The following NPAS3 variants were observed in gnomAD, a reference collection of about 807,000 sequenced individuals.
NPAS3 encodes the protein neuronal PAS domain-containing protein 3.
NPAS3 carries 14 observed loss-of-function variants against 73.1 expected under a neutral mutation model. That is an observed-to-expected ratio of 0.19 (90% CI 0.13 to 0.30). NPAS3 has a LOEUF of 0.30. Among genes scored for constraint, NPAS3 ranks in the 10% least tolerant of loss-of-function variants. The pLI is 1.00. For synonymous variants in NPAS3, 620 were observed against 541.5 expected (o/e 1.14, Z -2.01); for missense variants, 1,096 against 1,250.0 (o/e 0.88, Z 1.86).
At chr14:33,666,492 A>T (rs528384483) in intron 5 of NPAS3, among the ~76,000 whole-genome samples, 1 of 152,310 alleles carries the variant, frequency 6.6e-6, no homozygotes, top group East Asian at 1.9e-4. Context: ...AAAAATGCAG[A>T]ATGTTGGCCC....
At position 33,652,025 on chromosome 14, in the gene NPAS3, A is replaced by G. The variant is rs1035138528; in HGVS notation, c.559-24186A>G. Among the ~76,000 whole-genome samples the G allele has an allele frequency of 5.9e-5, 9 of 152,316 alleles. No homozygotes were observed. In the South Asian group the frequency reaches 1.2e-3, roughly 21 times the overall value. On this transcript the variant is annotated intron_variant, in intron 5 of 11. Transcript: ENST00000356141. ...TTATTTCATTTTGATTTGTTTATTAATCATCAGCTGAGATTTTTGACAAAT... is the reference window on the plus strand; with the variant it reads ...TTATTTCATTTTGATTTGTTTATTAGTCATCAGCTGAGATTTTTGACAAAT...
chr14:33,027,317 T>A (rs2039841618), intron 1 of NPAS3, among the ~76,000 whole-genome samples: 1 of 152,200 alleles, frequency 6.6e-6, no homozygotes, highest in South Asian at 2.1e-4. Flanking sequence ...GAGAAAGACG[T>A]GCTTGGGCTC....
intron 5 of NPAS3, among the ~76,000 whole-genome samples, chr14:33,603,788 G>A (rs556755685): frequency 6.6e-6 from 1 of 152,222 alleles, no homozygotes; most frequent in South Asian, 2.1e-4. Flanking sequence ...TTTTCTTACT[G>A]CTTAAATCTC....
intron 2 of NPAS3, among the ~76,000 whole-genome samples, chr14:33,089,517 A>G (rs968322508): frequency 7.2e-5 from 11 of 152,198 alleles, no homozygotes; most frequent in Non-Finnish European, 1.3e-4. Context: ...CCAAATCTAC[A>G]TCTGATTGGT....
chr14:32,965,867 C>T (rs899569863), intron 1 of NPAS3, among the ~76,000 whole-genome samples: 6 of 151,958 alleles, frequency 3.9e-5, no homozygotes, highest in Non-Finnish European at 8.8e-5. Context: ...AGTAAAATTG[C>T]AGGATATAAA....
intron 2 of NPAS3, among the ~76,000 whole-genome samples, chr14:33,110,208 A>G (rs1174558594): frequency 6.6e-6 from 1 of 152,116 alleles, no homozygotes; most frequent in African/African-American, 2.4e-5. Flanking sequence ...AATATTCTTA[A>G]TATTTAGACT....
intron 6 of NPAS3, among the ~76,000 whole-genome samples, chr14:33,715,392 A>T (rs941427824): frequency 6.6e-6 from 1 of 152,090 alleles, no homozygotes; most frequent in African/African-American, 2.4e-5. Flanking sequence ...TGCTAATTGA[A>T]GTGGGTTGTT....
intron 3 of NPAS3, among the ~76,000 whole-genome samples, chr14:33,319,578 G>A (rs553329514): frequency 6.6e-6 from 1 of 152,136 alleles, no homozygotes; most frequent in Non-Finnish European, 1.5e-5. Context: ...TTAACAAAAA[G>A]AATTCTAGAG....
At chr14:33,333,211 A>G (rs1188589356) in intron 3 of NPAS3, among the ~76,000 whole-genome samples, 3 of 152,202 alleles carry the variant, frequency 2.0e-5, no homozygotes, top group Non-Finnish European at 4.4e-5. Context: ...AATTTTGAAC[A>G]TAAATGAGAT....
At chr14:33,053,796 C>T (rs977395247) in intron 1 of NPAS3, among the ~76,000 whole-genome samples, 1 of 152,068 alleles carries the variant, frequency 6.6e-6, no homozygotes, top group Non-Finnish European at 1.5e-5. Flanking sequence ...TCCTTCTTTT[C>T]CCCCCTTCCT....
At chr14:33,633,475 T>A (rs2058434292) in intron 5 of NPAS3, among the ~76,000 whole-genome samples, 1 of 152,074 alleles carries the variant, frequency 6.6e-6, no homozygotes, top group African/African-American at 2.4e-5. Context: ...CATCATAGAG[T>A]GTAGTTACAC....
intron 3 of NPAS3, among the ~76,000 whole-genome samples, chr14:33,261,940 G>A (rs923664582): frequency 2.0e-5 from 3 of 152,136 alleles, no homozygotes; most frequent in East Asian, 3.9e-4. Context: ...TTGGAAATGT[G>A]CAGTATTTGG....
At chr14:33,713,533 T>A (rs1372064846) in intron 6 of NPAS3, among the ~76,000 whole-genome samples, 1 of 152,278 alleles carries the variant, frequency 6.6e-6, no homozygotes, top group African/African-American at 2.4e-5. Flanking sequence ...TTTGGAGGCA[T>A]GCTTGATGCT....
chr14:32,935,653 G>A (rs940181021), upstream of NPAS3, among the ~76,000 whole-genome samples: 1 of 152,170 alleles, frequency 6.6e-6, no homozygotes, highest in African/African-American at 2.4e-5. Context: ...TGAGAAGGAA[G>A]TTTTAAAGTA....
intron 2 of NPAS3, among the ~76,000 whole-genome samples, chr14:33,170,054 G>T (rs1566634610): frequency 6.6e-6 from 1 of 151,980 alleles, no homozygotes; most frequent in Admixed American, 6.6e-5. Context: ...GGGCAGAGGG[G>T]GTGTACATTA....
chr14:33,153,445 C>A (rs562858661), intron 2 of NPAS3, among the ~76,000 whole-genome samples: 4 of 152,184 alleles, frequency 2.6e-5, no homozygotes, highest in South Asian at 4.1e-4. Flanking sequence ...GAAGGAACTT[C>A]CAATTTCTCA....
At position 33,717,238 on chromosome 14, in the gene NPAS3, A is replaced by G. The variant is rs1229125552; in HGVS notation, c.734-17976A>G. Among the ~76,000 whole-genome samples, 4 of 151,828 alleles carry G rather than the reference A, an allele frequency of 2.6e-5. No individual in the cohort carries two copies. The East Asian group carries it at 5.8e-4, about 22-fold the overall frequency. On this transcript the variant is annotated intron_variant, in intron 6 of 11. Coordinates refer to ENST00000356141, the Ensembl canonical transcript of NPAS3. Reference sequence around the variant, plus strand: ...TTCCATCTGATCATGGCCAAAAAAAAAAAAAAAAAAAATCGCAAGGAGAGG... The same window carrying G: ...TTCCATCTGATCATGGCCAAAAAAAGAAAAAAAAAAAATCGCAAGGAGAGG...
chr14:33,127,637 A>G (rs1263119809), intron 2 of NPAS3, among the ~76,000 whole-genome samples: 3 of 152,138 alleles, frequency 2.0e-5, no homozygotes, highest in Non-Finnish European at 4.4e-5. Context: ...TTACTGTCCT[A>G]GAAAGCTGGC....
At chr14:33,612,634 A>G in intron 5 of NPAS3, 1 of 375,860 alleles carries the variant, frequency 2.7e-6, no homozygotes. Context: ...GTGCTGGAGG[A>G]CTTTTAAAGT....
Sources: gnomAD v4.1 joint callset for allele counts (sites outside exome capture counted in the v4.1 genomes callset) on GRCh38, gnomAD v4.1.1 for gene constraint, MANE v1.5 for transcripts, NCBI Gene and HGNC (gene_info 2026-07-23, HGNC 2026-07-21) for gene names.